The following CFAP20DC variants were observed in gnomAD, a reference collection of about 807,000 sequenced individuals.
The protein encoded by CFAP20DC is protein CFAP20DC.
Under a neutral mutation model 101.7 loss-of-function variants are expected in CFAP20DC, and 84 were observed. The ratio of observed to expected loss-of-function variants is 0.83; its 90% CI spans 0.69 to 0.99. The LOEUF (loss-of-function observed/expected upper bound fraction) is 0.99. Among genes scored for constraint, CFAP20DC ranks in the 50% least tolerant of loss-of-function variants. The pLI, the probability that CFAP20DC is intolerant of heterozygous loss-of-function variation, is 0.00. For synonymous variants in CFAP20DC, 359 were observed against 351.2 expected (o/e 1.02, Z -0.25); for missense variants, 1,007 against 970.3 (o/e 1.04, Z -0.50).
chr3:58,760,971 A>G (rs548146863), intron 15 of CFAP20DC, among the ~76,000 whole-genome samples: 3 of 152,308 alleles, frequency 2.0e-5, no homozygotes, highest in African/African-American at 7.2e-5. Flanking sequence ...ATCGATGTTC[A>G]TCAGGGATAT....
intron 4 of CFAP20DC, among the ~76,000 whole-genome samples, chr3:58,986,122 T>C (rs549034604): frequency 8.5e-5 from 13 of 152,268 alleles, no homozygotes; most frequent in East Asian, 7.7e-4. Context: ...TACAAATACA[T>C]AGTCTGCGAA....
At position 59,007,067 on chromosome 3, in the gene CFAP20DC, G is replaced by A. The variant is rs758214110; in HGVS notation, c.278+32490C>T. 2.6e-5 allele frequency among the ~76,000 whole-genome samples: 4 copies of A among 151,564 alleles called. No homozygotes were observed. The highest frequency in any genetic ancestry group is 5.9e-5 in the Non-Finnish European group (4 of 67,874). ...AGCTGGGTGAGGCCTTTTGCTACTG[G>A]ATGTCACCCACTTCCCTGGCAAACT... On this transcript the variant is annotated intron_variant, in intron 4 of 16. Transcript: ENST00000482387. The surrounding 1 kb of genome is among the most constrained non-coding windows in gnomAD (Gnocchi z 4.4).
At position 58,856,120 on chromosome 3, in the gene CFAP20DC, T is replaced by TA. The variant is rs201618257; in HGVS notation, c.1594-6712dup. On this transcript the variant is annotated intron_variant, in intron 12 of 16. Coordinates refer to ENST00000482387, the MANE Select transcript of CFAP20DC (RefSeq NM_001394063.1). Reference sequence around the variant, plus strand: ...AGTAAATTAAAATAATCAATAATACTAAAAAAAAACCCCTCTCCTAACAAA... The same window carrying TA: ...AGTAAATTAAAATAATCAATAATACTAAAAAAAAAACCCCTCTCCTAACAAA... Among the ~76,000 whole-genome samples, 26 of 148,882 alleles carry TA rather than the reference T, an allele frequency of 1.7e-4. No individual in the cohort carries two copies. The Middle Eastern group carries it at 0.017, about 99-fold the overall frequency.
intron 15 of CFAP20DC, among the ~76,000 whole-genome samples, chr3:58,761,630 G>C (rs1449562166): frequency 6.6e-6 from 1 of 152,106 alleles, no homozygotes; most frequent in African/African-American, 2.4e-5. Context: ...TGTGATGTTA[G>C]GGTGTCAATT....
At chr3:58,836,198 C>A (rs1190730638) in intron 13 of CFAP20DC, among the ~76,000 whole-genome samples, 1 of 152,144 alleles carries the variant, frequency 6.6e-6, no homozygotes, top group African/African-American at 2.4e-5. Context: ...AACCTTACAT[C>A]TATCAGGGCA....
rs2078018860 is a variant in CFAP20DC at position 58,849,390 on chromosome 3, C to T, written c.1613G>A (p.Gly538Asp). Residue 538 changes from glycine to aspartate, a missense_variant, in exon 13 of 17, where the codon GGT (glycine) becomes GAT (aspartate). Coordinates refer to ENST00000482387, the MANE Select transcript of CFAP20DC (RefSeq NM_001394063.1). Reference protein sequence around the residue: ...SSEEGNHSIQGSRGPTTGPSE... With the variant: ...SSEEGNHSIQDSRGPTTGPSE... The stretch of plus-strand genomic sequence containing the variant: ...AGGACCAGTTGTTGGGCCTCGAGAA[C>T]CCTGGATACTGTGGTTACCCTATGT... The T allele has an allele frequency of 1.3e-6, 2 of 1,532,266 alleles. No homozygotes were observed. The highest frequency in any genetic ancestry group is 2.7e-5 in the African/African-American group (2 of 72,784). The allele number at this position is 1,532,266 out of a possible 1,614,324, so 94.9% of individuals were successfully genotyped here.
chr3:58,863,666 C>A lies in CFAP20DC; in HGVS notation c.1485G>T (p.Met495Ile). Residue 495 changes from methionine (M) to isoleucine (I), a missense_variant, in exon 12 of 17, where the codon ATG (methionine) becomes ATT (isoleucine). By Grantham distance (10) the Met-to-Ile change is conservative. Coordinates refer to ENST00000482387, the MANE Select transcript of CFAP20DC (RefSeq NM_001394063.1). The surrounding 1 kb of genome is among the most constrained non-coding windows in gnomAD (Gnocchi z 5.9). ...RSAPHGKTQT[M>I]SPEELSFILD... ...AAATAAATGAGAGCTCCTCTGGGGA[C>A]ATAGTCTGAGTCTTTCCATGAGGTG... The A allele has an allele frequency of 6.2e-7, 1 of 1,614,152 alleles. No homozygotes were observed.
At chr3:58,739,871 T>C (rs1180954921), downstream of CFAP20DC, among the ~76,000 whole-genome samples, 1 of 152,194 alleles carries the variant, frequency 6.6e-6, no homozygotes, top group Admixed American at 6.5e-5. Context: ...AACTCTTCTG[T>C]AGAAATCTCA....
At chr3:58,931,051 T>A (rs1289993864) in intron 5 of CFAP20DC, among the ~76,000 whole-genome samples, 4 of 152,008 alleles carry the variant, frequency 2.6e-5, no homozygotes, top group Non-Finnish European at 4.4e-5. Context: ...CCTGGAAAAT[T>A]GGGTCACTCC....
intron 12 of CFAP20DC, among the ~76,000 whole-genome samples, chr3:58,856,572 G>T (rs1209080925): frequency 6.6e-6 from 1 of 152,182 alleles, no homozygotes; most frequent in Non-Finnish European, 1.5e-5. Flanking sequence ...TGTTCATATG[G>T]TTGAAGAACT....
At chr3:58,849,488 A>C in intron 12 of CFAP20DC, 79 bp from the exon 13 acceptor site, 1 of 1,082,788 alleles carries the variant, frequency 9.2e-7, no homozygotes, top group Non-Finnish European at 1.3e-6. Flanking sequence ...GTTCTTAATA[A>C]ATTCATATTT....
At chr3:58,833,284 G>C (rs1038397342) in intron 13 of CFAP20DC, among the ~76,000 whole-genome samples, 7 of 152,182 alleles carry the variant, frequency 4.6e-5, no homozygotes, top group African/African-American at 1.7e-4. Context: ...GGCACTGTGA[G>C]AGGCCAGGCA....
At chr3:59,038,122 A>G (rs967593474) in intron 4 of CFAP20DC, among the ~76,000 whole-genome samples, 1 of 152,040 alleles carries the variant, frequency 6.6e-6, no homozygotes, top group Non-Finnish European at 1.5e-5. Flanking sequence ...ACCAGGGCCT[A>G]TCAGGGGCTG....
chr3:58,868,016 A>G lies in CFAP20DC; in HGVS notation c.1016-80T>C. The G allele has an allele frequency of 7.2e-7, 1 of 1,385,264 alleles. No homozygotes were observed. Among genetic ancestry groups the G allele is most frequent in the Non-Finnish European group, 9.6e-7 (1 of 1,037,444 alleles). 85.8% of individuals were successfully genotyped at this position (1,385,264 alleles called of 1,614,324 possible). ...AAGTAACTCAGTAAATATAATTATC[A>G]CTATAATGAGAATATTCATGTATAA... On this transcript the variant is annotated intron_variant, in intron 9 of 16. Coordinates refer to ENST00000482387, the MANE Select transcript of CFAP20DC (RefSeq NM_001394063.1). The surrounding 1 kb of genome is among the most constrained non-coding windows in gnomAD (Gnocchi z 4.6).
At chr3:58,889,633 G>GAGGGA (rs1260315495) in intron 6 of CFAP20DC, among the ~76,000 whole-genome samples, 1 of 145,826 alleles carries the variant, frequency 6.9e-6, no homozygotes, top group Admixed American at 6.9e-5. Flanking sequence ...GACAATAGTG[G>GAGGGA]AGGGAAGGTC....
rs1003025879 is a variant in CFAP20DC, at chr3:58,897,234, T to C, written c.551-12525A>G. Among the ~76,000 whole-genome samples the C allele has an allele frequency of 6.6e-6, 1 of 152,192 alleles. No homozygotes were observed. Among genetic ancestry groups the C allele is most frequent in the Non-Finnish European group, 1.5e-5 (1 of 68,034 alleles). On this transcript the variant is annotated intron_variant, in intron 6 of 16. Coordinates refer to ENST00000482387, the MANE Select transcript of CFAP20DC (RefSeq NM_001394063.1). This position sits in a 1 kb window ranked among gnomAD's most constrained non-coding sequence, Gnocchi z 4.4. ...TTTTTTCTGTTTTCCATTTGCTTGGTAAATTTTCCTCCATTCCTTTATTTT... is the reference window on the plus strand; with the variant it reads ...TTTTTTCTGTTTTCCATTTGCTTGGCAAATTTTCCTCCATTCCTTTATTTT...
At chr3:58,844,627 C>A (rs367784429) in intron 13 of CFAP20DC, among the ~76,000 whole-genome samples, 1 of 116,376 alleles carries the variant, frequency 8.6e-6, no homozygotes, top group East Asian at 3.0e-4. Context: ...AACAAGGATA[C>A]CCAGGAATTG....
intron 16 of CFAP20DC, among the ~76,000 whole-genome samples, chr3:58,742,940 G>C (rs1305931540): frequency 6.6e-6 from 1 of 152,140 alleles, no homozygotes; most frequent in Non-Finnish European, 1.5e-5. Context: ...ACTTCTTCAT[G>C]GGCCAGAGCT....
intron 4 of CFAP20DC, among the ~76,000 whole-genome samples, chr3:58,993,880 C>T (rs2093022562): frequency 6.6e-6 from 1 of 152,128 alleles, no homozygotes; most frequent in Admixed American, 6.5e-5. Flanking sequence ...GTGAATAGTG[C>T]TGCAATGAGC....
Sources: gnomAD v4.1 joint callset for allele counts (sites outside exome capture counted in the v4.1 genomes callset) on GRCh38, gnomAD v4.1.1 for gene constraint, Gnocchi (gnomAD v3.1) non-coding constraint, MANE v1.5 for transcripts, NCBI Gene and HGNC (gene_info 2026-07-23, HGNC 2026-07-21) for gene names.